SPOCK1: variants seen among roughly 807,000 people sequenced by gnomAD.
SPOCK1 encodes the protein SPARC (osteonectin), cwcv and kazal like domains proteoglycan 1, also known as testican-1.
SPOCK1 carries 23 observed loss-of-function variants against 55.3 expected under a neutral mutation model. The ratio of observed to expected loss-of-function variants is 0.42; its 90% CI spans 0.30 to 0.59. The LOEUF (loss-of-function observed/expected upper bound fraction) is 0.59. Ranked by LOEUF, SPOCK1 falls within the 20% of genes least tolerant of loss-of-function variation. SPOCK1 has a pLI of 0.22. For missense variants in SPOCK1, 499 were observed against 552.5 expected (o/e 0.90, Z 0.97); for synonymous variants, 226 against 221.0 (o/e 1.02, Z -0.20).
At chr5:137,055,059 T>C (rs1286578805) in intron 6 of SPOCK1, among the ~76,000 whole-genome samples, 1 of 151,626 alleles carries the variant, frequency 6.6e-6, no homozygotes, top group Non-Finnish European at 1.5e-5. Flanking sequence ...AGAAACGTAC[T>C]CAGCAATAAA....
intron 2 of SPOCK1, among the ~76,000 whole-genome samples, chr5:137,471,760 G>C (rs1016735219): frequency 6.6e-6 from 1 of 152,168 alleles, no homozygotes; most frequent in African/African-American, 2.4e-5. Flanking sequence ...CAAGGTCTCA[G>C]CAGCCAGAAA....
chr5:137,173,626 T>A (rs1015366845), intron 3 of SPOCK1, among the ~76,000 whole-genome samples: 1 of 152,198 alleles, frequency 6.6e-6, no homozygotes, highest in Non-Finnish European at 1.5e-5. Context: ...TCAGATACAA[T>A]ACAAATCGGT....
intron 2 of SPOCK1, among the ~76,000 whole-genome samples, chr5:137,414,473 C>T (rs1489630631): frequency 6.6e-6 from 1 of 152,182 alleles, no homozygotes; most frequent in Non-Finnish European, 1.5e-5. Flanking sequence ...CTGCTTACCA[C>T]CTTTCCCTTC....
At chr5:137,449,107 C>T (rs1285894391) in intron 2 of SPOCK1, among the ~76,000 whole-genome samples, 3 of 152,186 alleles carry the variant, frequency 2.0e-5, no homozygotes, top group Non-Finnish European at 4.4e-5. Context: ...GGCTTCAGCC[C>T]CCAGGACAGT....
intron 3 of SPOCK1, among the ~76,000 whole-genome samples, chr5:137,264,452 C>T (rs779419869): frequency 1.3e-5 from 2 of 151,648 alleles, no homozygotes; most frequent in Non-Finnish European, 2.9e-5. Context: ...CCTTCCTTCC[C>T]CTCCTCTCCC....
At chr5:137,227,395 C>CA (rs1484529709) in intron 3 of SPOCK1, among the ~76,000 whole-genome samples, 1 of 152,130 alleles carries the variant, frequency 6.6e-6, no homozygotes, top group Non-Finnish European at 1.5e-5. Flanking sequence ...TTGCTGCTTA[C>CA]AAAAAAGAAA....
intron 2 of SPOCK1, among the ~76,000 whole-genome samples, chr5:137,333,256 G>A (rs768602918): frequency 4.6e-5 from 7 of 152,220 alleles, no homozygotes; most frequent in Admixed American, 6.5e-5. Context: ...GTTAAGGCTC[G>A]AGAGCTAGGT....
intron 3 of SPOCK1, among the ~76,000 whole-genome samples, chr5:137,227,038 T>C (rs4976420): frequency 0.17 from 25,794 of 152,100 alleles, 2,464 homozygotes; most frequent in South Asian, 0.27. Context: ...ATGAGGAATT[T>C]TGACTGAGGA....
intron 4 of SPOCK1, among the ~76,000 whole-genome samples, chr5:137,138,902 T>C (rs1333573083): frequency 6.6e-6 from 1 of 152,170 alleles, no homozygotes; most frequent in Non-Finnish European, 1.5e-5. Flanking sequence ...ATTGTAGTAG[T>C]GAAAACCATA....
chr5:137,239,189 C>T (rs1756238100), intron 3 of SPOCK1, among the ~76,000 whole-genome samples: 1 of 152,128 alleles, frequency 6.6e-6, no homozygotes, highest in African/African-American at 2.4e-5. Flanking sequence ...ACCATGCCAA[C>T]AAAACAAAGC....
At chr5:137,274,689 A>C (rs1230174774) in intron 2 of SPOCK1, among the ~76,000 whole-genome samples, 1 of 152,232 alleles carries the variant, frequency 6.6e-6, no homozygotes, top group Non-Finnish European at 1.5e-5. Flanking sequence ...AATTAGGCCC[A>C]AGTGAAGGGA....
Position 137,499,300 on chromosome 5 carries a change from G to A in SPOCK1, c.-122C>T, listed in dbSNP as rs1370113826. 6.6e-6 allele frequency: 1 copy of A among 151,730 alleles called. No homozygotes were observed. Among genetic ancestry groups the A allele is most frequent in the Non-Finnish European group, 1.5e-5 (1 of 67,894 alleles). 9.4% of individuals were successfully genotyped at this position (151,730 alleles called of 1,614,324 possible). A position where few individuals can be genotyped will look rare whatever the true frequency, so the allele number is the denominator to read the frequency against. ...TGCCACACGCCGCCGCCGAGCGTCT[G>A]GCCGCTTTGTGAGCCCGCAGCGATG... On this transcript the variant is annotated 5_prime_UTR_variant, in exon 1 of 11. Transcript: ENST00000394945.
chr5:137,102,180 C>A (rs899256850), intron 5 of SPOCK1, among the ~76,000 whole-genome samples: 4 of 151,992 alleles, frequency 2.6e-5, no homozygotes, highest in African/African-American at 7.2e-5. Flanking sequence ...TTATTCATAG[C>A]GAAGGTTGGG....
At chr5:137,365,734 CT>C (rs1250587244) in intron 2 of SPOCK1, among the ~76,000 whole-genome samples, 1 of 152,150 alleles carries the variant, frequency 6.6e-6, no homozygotes, top group Non-Finnish European at 1.5e-5. Flanking sequence ...GCAAGAGCCA[CT>C]GGATCTTGCT....
chr5:137,054,691 C>A (rs1039663094), intron 6 of SPOCK1, among the ~76,000 whole-genome samples: 2 of 152,186 alleles, frequency 1.3e-5, no homozygotes, highest in African/African-American at 4.8e-5. Context: ...GGAGGTCAGT[C>A]TCTGCCATAT....
chr5:137,230,172 C>G (rs1365321399), intron 3 of SPOCK1, among the ~76,000 whole-genome samples: 1 of 152,188 alleles, frequency 6.6e-6, no homozygotes, highest in Non-Finnish European at 1.5e-5. Context: ...ACTGAGTGCA[C>G]GTAAGATGCA....
intron 3 of SPOCK1, among the ~76,000 whole-genome samples, chr5:137,212,856 G>C (rs777276417): frequency 2.0e-5 from 3 of 152,204 alleles, no homozygotes; most frequent in Non-Finnish European, 4.4e-5. Context: ...GGACAAAGAC[G>C]CTGCACAGTC....
intron 3 of SPOCK1, among the ~76,000 whole-genome samples, chr5:137,234,804 A>C (rs1022623954): frequency 6.6e-6 from 1 of 152,194 alleles, no homozygotes; most frequent in Non-Finnish European, 1.5e-5. Context: ...CAACTGATCG[A>C]AGTCTGGAGT....
intron 7 of SPOCK1, among the ~76,000 whole-genome samples, chr5:136,989,947 G>C (rs760920987): frequency 6.6e-6 from 1 of 151,780 alleles, no homozygotes; most frequent in Non-Finnish European, 1.5e-5. Context: ...GTCTCACCCT[G>C]TTGCCCAAGC....
Sources: gnomAD v4.1 joint callset for allele counts (sites outside exome capture counted in the v4.1 genomes callset) on GRCh38, gnomAD v4.1.1 for gene constraint, MANE v1.5 for transcripts, NCBI Gene and HGNC (gene_info 2026-07-23, HGNC 2026-07-21) for gene names.